Variants in GFPT1 observed in about 807,000 individuals in gnomAD.
The protein encoded by GFPT1 is glutamine--fructose-6-phosphate transaminase 1, also known as glutamine--fructose-6-phosphate aminotransferase [isomerizing] 1.
In GFPT1, 40 loss-of-function variants were observed where a neutral mutation model predicts 92.0. That is an observed-to-expected ratio of 0.43 (90% CI 0.34 to 0.57). The LOEUF is 0.57. Ranked by LOEUF, GFPT1 falls within the 20% of genes least tolerant of loss-of-function variation. The pLI, the probability that GFPT1 is intolerant of heterozygous loss-of-function variation, is 0.02. For synonymous variants in GFPT1, 269 were observed against 280.6 expected (o/e 0.96, Z 0.41); for missense variants, 448 against 869.1 (o/e 0.52, Z 6.09).
At position 69,382,262 on chromosome 2, in the gene GFPT1, A is replaced by T. The variant is rs983359002; in HGVS notation, c.7+4803T>A. ...GAGGCTCCTTCACAACAATGGGTTA[A>T]ATTTTTATTATTCAATGATCTAGAA... On this transcript the variant is annotated intron_variant, in intron 1 of 19. Coordinates refer to ENST00000357308, the MANE Select transcript of GFPT1 (RefSeq NM_001244710.2). Among the ~76,000 whole-genome samples the T allele has an allele frequency of 4.6e-5, 7 of 152,346 alleles. No individual in the cohort carries two copies. In the East Asian group the frequency reaches 1.4e-3, roughly 29 times the overall value.
At chr2:69,331,932 C>A (rs1670673245) in intron 15 of GFPT1, among the ~76,000 whole-genome samples, 1 of 151,954 alleles carries the variant, frequency 6.6e-6, no homozygotes, top group African/African-American at 2.4e-5. Flanking sequence ...CGTGGACTGA[C>A]CTTTTATATT....
chr2:69,359,824 A>C (rs997746755), intron 4 of GFPT1, among the ~76,000 whole-genome samples: 1 of 152,250 alleles, frequency 6.6e-6, no homozygotes, highest in Non-Finnish European at 1.5e-5. Context: ...TTGCTAAGAA[A>C]AACCAATCAG....
At position 69,380,260 on chromosome 2, in the gene GFPT1, C is replaced by T. The variant is rs112104633; in HGVS notation, c.8-6147G>A. Among the ~76,000 whole-genome samples the T allele has an allele frequency of 7.2e-3, 1,090 of 152,158 alleles. 17 individuals carry two copies. The highest frequency in any genetic ancestry group is 0.025 in the African/African-American group (1,054 of 41,532). On this transcript the variant is annotated intron_variant, in intron 1 of 19. Coordinates refer to ENST00000357308, the MANE Select transcript of GFPT1 (RefSeq NM_001244710.2). ...GCTGAGGCAGAAGAATCACTTGAGC[C>T]CAGGAGGTGGGGCAGAGGGTGAAGT...
At chr2:69,377,700 TAGA>T (rs1350901993) in intron 1 of GFPT1, among the ~76,000 whole-genome samples, 2 of 151,918 alleles carry the variant, frequency 1.3e-5, no homozygotes, top group African/African-American at 2.4e-5. Context: ...GTAACAGAGC[TAGA>T]AGAAGGAAGG....
chr2:69,326,929 C>T lies in GFPT1; in HGVS notation c.2040G>A (p.Val680=), dbSNP rs538218189. The part of the protein sequence containing the change: ...PLQLLAFHLA[V]LRGYDVDFPR... ...GATGACTTACATCATAGCCTCTCAG[C>T]ACAGCAAGGTGGAAAGCCAGCAACT... is the stretch of plus-strand genomic sequence containing the variant. Residue 680 remains valine, a synonymous_variant, in exon 19 of 20, where the codon GTG becomes GTA. Transcript: ENST00000357308. The T allele has an allele frequency of 6.2e-5, 100 of 1,614,214 alleles. 1 individual carries two copies. In the South Asian group the frequency reaches 1.0e-3, roughly 17 times the overall value.
At chr2:69,344,883 T>G (rs1452386413) in intron 12 of GFPT1, among the ~76,000 whole-genome samples, 1 of 151,954 alleles carries the variant, frequency 6.6e-6, no homozygotes, top group African/African-American at 2.4e-5. Flanking sequence ...TCCTCCCGCT[T>G]TGGGTTCCCA....
At chr2:69,336,353 A>AAG (rs1553387247) in intron 15 of GFPT1, among the ~76,000 whole-genome samples, 24 of 149,314 alleles carry the variant, frequency 1.6e-4, no homozygotes, top group African/African-American at 4.7e-4. Flanking sequence ...AAAAAAAAAA[A>AAG]AAAGAAAAAG....
At chr2:69,386,900 A>C (rs1471909432) in intron 1 of GFPT1, among the ~76,000 whole-genome samples, 165 bp downstream of exon 1, 2 of 151,960 alleles carry the variant, frequency 1.3e-5, no homozygotes, top group Non-Finnish European at 2.9e-5. Flanking sequence ...CCGCCCGTGG[A>C]TGCCGGCCCC....
At chr2:69,375,577 C>T (rs1358153046) in intron 1 of GFPT1, among the ~76,000 whole-genome samples, 1 of 152,096 alleles carries the variant, frequency 6.6e-6, no homozygotes, top group Non-Finnish European at 1.5e-5. Context: ...TTCAACTCTC[C>T]CCAAAGAAGC....
At chr2:69,363,815 T>C in intron 3 of GFPT1, 145 bp from the exon 4 acceptor site, 1 of 707,844 alleles carries the variant, frequency 1.4e-6, no homozygotes, top group African/African-American at 1.8e-5. Context: ...TTCAAAATAG[T>C]GATTAAAAGA....
chr2:69,359,142 G>A, intron 5 of GFPT1, 126 bp downstream of exon 5: 2 of 707,824 alleles, frequency 2.8e-6, no homozygotes, highest in African/African-American at 1.8e-5. Flanking sequence ...CCGTGCCCTT[G>A]GAATTGTCCA....
chr2:69,386,898 G>A (rs570239699), intron 1 of GFPT1, among the ~76,000 whole-genome samples, 167 bp downstream of exon 1: 11 of 152,268 alleles, frequency 7.2e-5, no homozygotes, highest in Admixed American at 5.9e-4. Context: ...TCCCGCCCGT[G>A]GATGCCGGCC....
chr2:69,366,996 C>A (rs950360767), intron 3 of GFPT1, among the ~76,000 whole-genome samples: 2 of 152,212 alleles, frequency 1.3e-5, no homozygotes, highest in African/African-American at 2.4e-5. Flanking sequence ...AACATCTAGT[C>A]ATCTGTGCTT....
rs1421065372 is a variant in GFPT1, at chr2:69,369,979, A to G, written c.223+22T>C. Reference sequence around the variant, plus strand: ...AAGGAAGAGAAGGGGAAAGGGGACAAAAATCAAATTAAGTACGTTACTGTG... The same window carrying G: ...AAGGAAGAGAAGGGGAAAGGGGACAGAAATCAAATTAAGTACGTTACTGTG... On this transcript the variant is annotated intron_variant, in intron 3 of 19. Coordinates refer to ENST00000357308, the MANE Select transcript of GFPT1 (RefSeq NM_001244710.2). 3 of 1,330,732 alleles carry G rather than the reference A, an allele frequency of 2.3e-6. No homozygotes were observed. In the South Asian group the frequency reaches 3.5e-5, roughly 16 times the overall value. The allele number at this position is 1,330,732 out of a possible 1,614,324, so 82.4% of individuals were successfully genotyped here.
At chr2:69,334,038 C>A (rs945395628) in intron 15 of GFPT1, among the ~76,000 whole-genome samples, 1 of 152,130 alleles carries the variant, frequency 6.6e-6, no homozygotes, top group African/African-American at 2.4e-5. Context: ...TACCTGTAAT[C>A]CCAGCTACTT....
intron 1 of GFPT1, among the ~76,000 whole-genome samples, chr2:69,383,782 C>T (rs978973693): frequency 9.9e-5 from 15 of 152,144 alleles, no homozygotes; most frequent in African/African-American, 3.1e-4. Context: ...TGCGCCACTA[C>T]GCCCGGCTAA....
Position 69,354,539 on chromosome 2 carries a change from C to T in GFPT1, c.635G>A (p.Arg212Gln). Residue 212 changes from arginine (R) to glutamine (Q), a missense_variant, in exon 8 of 20, where the codon CGG becomes CAG. Around this residue, in one of 7 missense-constraint regions of GFPT1, gnomAD observed 118 missense variants for 192.9 expected, o/e 0.61. Coordinates refer to ENST00000357308, the MANE Select transcript of GFPT1 (RefSeq NM_001244710.2). ...ATCAGTAGAAAGTTTATGTTCACTC[C>T]GTACACCAATCAACAGAGGGCTACC... Reference protein sequence around the residue: ...RRGSPLLIGVRSEHKLSTDHI... With the variant: ...RRGSPLLIGVQSEHKLSTDHI... The T allele has an allele frequency of 1.9e-6, 3 of 1,610,482 alleles. No homozygotes were observed. Among genetic ancestry groups the T allele is most frequent in the Non-Finnish European group, 2.5e-6 (3 of 1,176,868 alleles).
Position 69,377,503 on chromosome 2 carries a change from A to T in GFPT1, c.8-3390T>A, listed in dbSNP as rs543196920. On this transcript the variant is annotated intron_variant, in intron 1 of 19. Coordinates refer to ENST00000357308, the MANE Select transcript of GFPT1 (RefSeq NM_001244710.2). ...GTCTCTACTAAAAATAAAAATAAAA[A>T]AAAAAAAATAGCCAGCTGTGGTGGC... Among the ~76,000 whole-genome samples, 502 of 151,044 alleles carry T rather than the reference A, an allele frequency of 3.3e-3. 10 individuals carry two copies. The highest frequency in any genetic ancestry group is 0.012 in the African/African-American group (480 of 41,004).
At chr2:69,357,991 G>A (rs1281924666) in intron 6 of GFPT1, among the ~76,000 whole-genome samples, 1 of 152,206 alleles carries the variant, frequency 6.6e-6, no homozygotes, top group Admixed American at 6.5e-5. Flanking sequence ...CAAGAAGCAA[G>A]GGAATAACTA....
Sources: allele counts gnomAD v4.1 joint callset (sites outside exome capture counted in the v4.1 genomes callset), GRCh38; gene constraint gnomAD v4.1.1; regional missense constraint gnomAD v4.1.1; transcripts MANE v1.5; gene names NCBI Gene and HGNC (gene_info 2026-07-23, HGNC 2026-07-21).